SMARCA1: variants seen among roughly 807,000 people sequenced by gnomAD.
The protein encoded by SMARCA1 is SNF2 related chromatin remodeling ATPase 1.
Under a neutral mutation model 93.6 loss-of-function variants are expected in SMARCA1, and 17 were observed. The ratio of observed to expected loss-of-function variants is 0.18; its 90% CI spans 0.12 to 0.27. SMARCA1 has a LOEUF of 0.27. SMARCA1 is among the 10% of genes least tolerant of loss of function. The probability of loss-of-function intolerance (pLI) is 1.00; values close to 1 mark genes in which losing one functional copy is unlikely to be tolerated. For missense variants in SMARCA1, 630 were observed against 819.0 expected (o/e 0.77, Z 2.82); for synonymous variants, 271 against 271.4 (o/e 1.00, Z 0.01).
At chrX:129,509,307 A>G (rs1311755611) in intron 6 of SMARCA1, among the ~76,000 whole-genome samples, 1 of 111,542 alleles carries the variant, frequency 9.0e-6, no homozygotes, top group Non-Finnish European at 1.9e-5. Flanking sequence ...CTGCAGACTC[A>G]TTCAACAGAT....
At position 129,521,175 on chromosome X, in the gene SMARCA1, C is replaced by T. The variant is rs777414833; in HGVS notation, c.174+2022G>A. On this transcript the variant is annotated intron_variant, in intron 1 of 24. Transcript: ENST00000371121. ...TGCTAGGATTACAGGCGCGAGCCAC[C>T]GCGCCCGGCTGGAAAAATTATTTTT... Among the ~76,000 whole-genome samples the T allele has an allele frequency of 1.8e-3, 207 of 111,918 alleles. 1 individual carries two copies. The highest frequency in any genetic ancestry group is 2.9e-3 in the Non-Finnish European group (156 of 53,144).
chrX:129,509,445 C>T (rs762061931), intron 6 of SMARCA1, among the ~76,000 whole-genome samples: 1 of 110,520 alleles, frequency 9.0e-6, no homozygotes, highest in Non-Finnish European at 1.9e-5. Context: ...TTAATTAAGA[C>T]ATTAGGGAAT....
intron 8 of SMARCA1, among the ~76,000 whole-genome samples, chrX:129,505,144 AAAAC>A (rs1349469590): frequency 3.6e-5 from 4 of 111,929 alleles, no homozygotes; most frequent in South Asian, 7.4e-4. Context: ...ACCAAACAAT[AAAAC>A]AAACAAAAGC....
chrX:129,477,809 T>C (rs1466743630), intron 19 of SMARCA1, among the ~76,000 whole-genome samples: 1 of 110,165 alleles, frequency 9.1e-6, no homozygotes, highest in Non-Finnish European at 1.9e-5. Context: ...CTCCCTGCCT[T>C]AAAAACATCT....
intron 19 of SMARCA1, among the ~76,000 whole-genome samples, chrX:129,477,714 C>G (rs1050506286): frequency 1.8e-5 from 2 of 111,601 alleles, no homozygotes; most frequent in Non-Finnish European, 3.8e-5. Flanking sequence ...AATGAGCTAA[C>G]ATTTACAAAT....
intron 10 of SMARCA1, 81 bp downstream of exon 10, chrX:129,499,651 G>C: frequency 2.1e-6 from 1 of 483,227 alleles, no homozygotes; most frequent in Non-Finnish European, 3.6e-6. Context: ...TTGAACTAAT[G>C]GCATAACTGA....
At chrX:129,501,166 A>T (rs1934541132) in intron 9 of SMARCA1, among the ~76,000 whole-genome samples, 1 of 112,367 alleles carries the variant, frequency 8.9e-6, no homozygotes, top group Non-Finnish European at 1.9e-5. Flanking sequence ...ATTCAAACCC[A>T]GATCAGGCTA....
intron 23 of SMARCA1, among the ~76,000 whole-genome samples, chrX:129,461,895 T>C (rs773823453): frequency 1.8e-5 from 2 of 111,845 alleles, no homozygotes; most frequent in Non-Finnish European, 3.8e-5. Flanking sequence ...CACAGAGAAA[T>C]TGAACTGAAA....
intron 6 of SMARCA1, among the ~76,000 whole-genome samples, chrX:129,511,268 T>C (rs1935008869): frequency 9.0e-6 from 1 of 111,691 alleles, no homozygotes; most frequent in Non-Finnish European, 1.9e-5. Context: ...ATTTTTCTAT[T>C]CAAACACCAA....
intron 10 of SMARCA1, 124 bp from the exon 11 acceptor site, chrX:129,498,195 C>T: frequency 4.1e-6 from 2 of 483,310 alleles, no homozygotes; most frequent in Non-Finnish European, 7.3e-6. Context: ...GAGATTAAAT[C>T]TAATGGGCAA....
chrX:129,461,412 T>C, intron 23 of SMARCA1, among the ~76,000 whole-genome samples: 1 of 111,829 alleles, frequency 8.9e-6, no homozygotes, highest in Non-Finnish European at 1.9e-5. Context: ...TGATTGAATT[T>C]TGGGTACTCT....
intron 9 of SMARCA1, among the ~76,000 whole-genome samples, chrX:129,500,447 T>C (rs1426673757): frequency 8.9e-6 from 1 of 112,771 alleles, no homozygotes; most frequent in Non-Finnish European, 1.9e-5. Flanking sequence ...ATTACAGGCG[T>C]GAGCCACTGT....
chrX:129,480,234 T>C (rs1193957515), intron 19 of SMARCA1, among the ~76,000 whole-genome samples: 1 of 112,370 alleles, frequency 8.9e-6, no homozygotes, highest in African/African-American at 3.2e-5. Flanking sequence ...TTCACTATCA[T>C]GTTTATCATT....
intron 11 of SMARCA1, 92 bp from the exon 12 acceptor site, chrX:129,496,963 A>C: frequency 1.3e-6 from 1 of 799,470 alleles, no homozygotes; most frequent in Non-Finnish European, 1.8e-6. Flanking sequence ...ATAAATGTAG[A>C]GCACATGAAC....
chrX:129,479,533 C>T (rs1311597730), intron 19 of SMARCA1, among the ~76,000 whole-genome samples: 1 of 109,679 alleles, frequency 9.1e-6, no homozygotes, highest in Non-Finnish European at 1.9e-5. Context: ...AGGCACATTC[C>T]AGCTACTAAT....
At chrX:129,516,240 A>G in intron 3 of SMARCA1, 91 bp downstream of exon 3, 1 of 822,300 alleles carries the variant, frequency 1.2e-6, no homozygotes, top group Non-Finnish European at 1.8e-6. Flanking sequence ...AACAATGAAG[A>G]GCGAAGGGGT....
At chrX:129,519,302 C>A (rs1205078552) in intron 1 of SMARCA1, among the ~76,000 whole-genome samples, 4 of 111,098 alleles carry the variant, frequency 3.6e-5, no homozygotes, top group Non-Finnish European at 7.6e-5. Flanking sequence ...TATAAGAAAC[C>A]AAGAAATAAA....
chrX:129,479,761 G>A (rs903256329), intron 19 of SMARCA1, among the ~76,000 whole-genome samples: 4 of 108,687 alleles, frequency 3.7e-5, no homozygotes, highest in African/African-American at 6.7e-5. Context: ...GCAGTGGCGC[G>A]ATCTCAGCTC....
chrX:129,463,014 T>C (rs1424075319), intron 23 of SMARCA1, among the ~76,000 whole-genome samples: 1 of 111,550 alleles, frequency 9.0e-6, no homozygotes, highest in Non-Finnish European at 1.9e-5. Flanking sequence ...AGTGTTAAGA[T>C]TTTCCTTGCA....
Sources: gnomAD v4.1 joint callset for allele counts (sites outside exome capture counted in the v4.1 genomes callset) on GRCh38, gnomAD v4.1.1 for gene constraint, MANE v1.5 for transcripts, NCBI Gene and HGNC (gene_info 2026-07-23, HGNC 2026-07-21) for gene names.